The following FHIT variants were observed in gnomAD, a reference collection of about 807,000 sequenced individuals.
FHIT encodes bis(5'-adenosyl)-triphosphatase.
A neutral mutation model predicts 17.9 loss-of-function variants in FHIT; 19 were observed. That is an observed-to-expected ratio of 1.06 (90% CI 0.74 to 1.56). The LOEUF (loss-of-function observed/expected upper bound fraction) is 1.56. Ranked by LOEUF, FHIT falls within the 40% of genes most tolerant of loss-of-function variation. FHIT has a pLI of 0.00. For missense variants in FHIT, 248 were observed against 189.2 expected (o/e 1.31, Z -1.82); for synonymous variants, 81 against 69.7 (o/e 1.16, Z -0.81).
intron 5 of FHIT, among the ~76,000 whole-genome samples, chr3:60,064,080 G>T (rs534585850): frequency 6.6e-6 from 1 of 152,200 alleles, no homozygotes; most frequent in East Asian, 1.9e-4. Context: ...CTTCACAATG[G>T]TAATATTTGG....
intron 5 of FHIT, among the ~76,000 whole-genome samples, chr3:60,018,355 G>A (rs1014827530): frequency 1.3e-5 from 2 of 152,078 alleles, no homozygotes; most frequent in African/African-American, 4.8e-5. Context: ...CCAACATCAG[G>A]GATCAAATTT....
chr3:60,198,001 G>A (rs893354937), intron 5 of FHIT, among the ~76,000 whole-genome samples: 2 of 152,164 alleles, frequency 1.3e-5, no homozygotes, highest in African/African-American at 2.4e-5. Flanking sequence ...TACACCTTCT[G>A]ATGATGGATA....
intron 4 of FHIT, among the ~76,000 whole-genome samples, chr3:60,712,655 C>G (rs1289033335): frequency 6.6e-6 from 1 of 151,796 alleles, no homozygotes; most frequent in African/African-American, 2.4e-5. Context: ...GACTTTAAAC[C>G]AACAAAGATC....
At chr3:60,732,211 T>A (rs2042044377) in intron 4 of FHIT, 2 of 822,206 alleles carry the variant, frequency 2.4e-6, no homozygotes, top group Non-Finnish European at 4.2e-6. Context: ...GGACCCAAAG[T>A]GTTCCATGGC....
intron 5 of FHIT, among the ~76,000 whole-genome samples, chr3:60,426,745 T>C (rs1445332009): frequency 1.3e-5 from 2 of 152,142 alleles, no homozygotes. Flanking sequence ...AATTTTGGCT[T>C]CGAGAAGTAA....
chr3:61,152,726 G>A (rs1384870712), intron 2 of FHIT, among the ~76,000 whole-genome samples: 4 of 152,118 alleles, frequency 2.6e-5, no homozygotes, highest in African/African-American at 9.7e-5. Context: ...TTCAAACAGA[G>A]GAATGAGAAG....
intron 4 of FHIT, among the ~76,000 whole-genome samples, chr3:60,603,217 T>C (rs1576954464): frequency 6.6e-6 from 1 of 152,346 alleles, no homozygotes; most frequent in East Asian, 1.9e-4. Context: ...TATTTTTTCT[T>C]AACCTTTAGA....
At chr3:59,797,036 T>C (rs1484535746) in intron 8 of FHIT, among the ~76,000 whole-genome samples, 2 of 152,180 alleles carry the variant, frequency 1.3e-5, no homozygotes, top group Non-Finnish European at 2.9e-5. Flanking sequence ...GAAAACTTCA[T>C]AGGTTTCATC....
chr3:60,780,277 T>C (rs1298793152), intron 4 of FHIT, among the ~76,000 whole-genome samples: 2 of 152,082 alleles, frequency 1.3e-5, no homozygotes, highest in African/African-American at 4.8e-5. Context: ...GGTAATTGTG[T>C]CTCCATACTA....
rs145163734 is a variant in FHIT, at chr3:60,086,252, T to C, written c.104-72100A>G. The stretch of plus-strand genomic sequence containing the variant: ...CAAAGGACAGGCATCGATCTATTCA[T>C]GAAGGATCTGCCCTCCTGACCCAAA... On this transcript the variant is annotated intron_variant, in intron 5 of 9. Coordinates refer to ENST00000492590, the MANE Select transcript of FHIT (RefSeq NM_002012.4). Among the ~76,000 whole-genome samples the C allele has an allele frequency of 1.7e-4, 26 of 152,268 alleles. 1 individual carries two copies. The East Asian group carries it at 5.0e-3, about 29-fold the overall frequency.
Position 59,836,126 on chromosome 3 carries a change from C to T in FHIT, c.349-83805G>A, listed in dbSNP as rs146057483. Among the ~76,000 whole-genome samples the T allele has an allele frequency of 3.0e-3, 455 of 151,952 alleles. 3 individuals are homozygous for T. The highest frequency in any genetic ancestry group is 0.01 in the African/African-American group (435 of 41,486). On this transcript the variant is annotated intron_variant, in intron 8 of 9. Transcript: ENST00000492590. ...ATGAGTTTACAAAGAAGACTCAAGT[C>T]AAGAAGACTTGATGGACTAGGAGGT...
At chr3:60,991,780 A>G (rs1161358109) in intron 3 of FHIT, among the ~76,000 whole-genome samples, 3 of 137,818 alleles carry the variant, frequency 2.2e-5, no homozygotes, top group South Asian at 5.0e-4. Flanking sequence ...CTTGATACAT[A>G]TAATAATAGC....
At chr3:59,956,105 T>C (rs1707380133) in intron 7 of FHIT, among the ~76,000 whole-genome samples, 1 of 152,208 alleles carries the variant, frequency 6.6e-6, no homozygotes, top group Non-Finnish European at 1.5e-5. Context: ...CTATTTTTCA[T>C]ACTCGGAACA....
intron 8 of FHIT, among the ~76,000 whole-genome samples, chr3:59,889,810 CA>C (rs1703777407): frequency 2.6e-5 from 4 of 152,320 alleles, no homozygotes; most frequent in Admixed American, 1.3e-4. Flanking sequence ...TCTGCAGCAA[CA>C]GTACAGTAAT....
At chr3:61,089,806 A>C (rs1379165750) in intron 2 of FHIT, among the ~76,000 whole-genome samples, 3 of 152,220 alleles carry the variant, frequency 2.0e-5, no homozygotes, top group Non-Finnish European at 4.4e-5. Flanking sequence ...AGAGATTTCA[A>C]TTTGACATAA....
intron 4 of FHIT, among the ~76,000 whole-genome samples, chr3:60,755,328 A>G (rs1379317292): frequency 6.6e-6 from 1 of 152,240 alleles, no homozygotes; most frequent in Non-Finnish European, 1.5e-5. Flanking sequence ...GGCAGCAGCC[A>G]GTCAGTCCCA....
intron 7 of FHIT, among the ~76,000 whole-genome samples, chr3:59,967,006 A>G (rs6798364): frequency 0.087 from 13,276 of 152,174 alleles, 817 homozygotes; most frequent in South Asian, 0.15. Flanking sequence ...TCTTTATTCT[A>G]TTTTTAAAAC....
intron 5 of FHIT, among the ~76,000 whole-genome samples, chr3:60,033,824 T>C (rs7433793): frequency 0.63 from 95,680 of 152,026 alleles, 31,232 homozygotes; most frequent in Middle Eastern, 0.8. Flanking sequence ...GACCAACACA[T>C]AGTAAACATT....
chr3:61,212,559 C>T (rs942486025), intron 1 of FHIT, among the ~76,000 whole-genome samples: 5 of 152,268 alleles, frequency 3.3e-5, no homozygotes, highest in Middle Eastern at 3.4e-3. Context: ...GAGAATGGAA[C>T]CAAGTTGGAA....
Sources: allele counts gnomAD v4.1 joint callset (sites outside exome capture counted in the v4.1 genomes callset), GRCh38; gene constraint gnomAD v4.1.1; transcripts MANE v1.5; gene names NCBI Gene and HGNC (gene_info 2026-07-23, HGNC 2026-07-21).